Variants in NEDD4L observed in about 807,000 individuals in gnomAD.
The protein encoded by NEDD4L is NEDD4 like E3 ubiquitin protein ligase, also known as E3 ubiquitin-protein ligase NEDD4-like.
NEDD4L carries 54 observed loss-of-function variants against 148.9 expected under a neutral mutation model. The observed-to-expected ratio is 0.36, with a 90% CI of 0.29 to 0.45. The LOEUF (loss-of-function observed/expected upper bound fraction) is 0.45. NEDD4L is among the 20% of genes least tolerant of loss of function. The probability of loss-of-function intolerance (pLI) is 1.00; values close to 1 mark genes in which losing one functional copy is unlikely to be tolerated. For synonymous variants in NEDD4L, 433 were observed against 440.7 expected, an observed-to-expected ratio of 0.98 and a Z score of 0.22; for missense variants, 856 against 1,233.8, an observed-to-expected ratio of 0.69 and a Z score of 4.59.
At chr18:58,318,522 G>A (rs146338403) in intron 6 of NEDD4L, among the ~76,000 whole-genome samples, 65 of 152,342 alleles carry the variant, frequency 4.3e-4, no homozygotes, top group Middle Eastern at 6.8e-3. Flanking sequence ...GTACCACTGC[G>A]CTCCAGCCTT....
chr18:58,277,713 A>G (rs2052352125), intron 5 of NEDD4L, among the ~76,000 whole-genome samples: 1 of 152,244 alleles, frequency 6.6e-6, no homozygotes, highest in African/African-American at 2.4e-5. Flanking sequence ...CTGTGAAGAT[A>G]CTGTACATTT....
intron 25 of NEDD4L, among the ~76,000 whole-genome samples, chr18:58,385,251 C>T (rs935892532): frequency 6.6e-6 from 1 of 152,110 alleles, no homozygotes; most frequent in African/African-American, 2.4e-5. Flanking sequence ...CATTTTAAAG[C>T]AGTTAAGCAT....
intron 1 of NEDD4L, among the ~76,000 whole-genome samples, chr18:58,144,691 T>C (rs1395135993): frequency 1.3e-5 from 2 of 151,714 alleles, no homozygotes; most frequent in Non-Finnish European, 2.9e-5. Flanking sequence ...TAGATGAAGA[T>C]AAGGAACAAA....
intron 1 of NEDD4L, among the ~76,000 whole-genome samples, chr18:58,116,779 T>C (rs471948): frequency 0.44 from 66,557 of 152,198 alleles, 14,827 homozygotes; most frequent in East Asian, 0.54. Context: ...ATGCCCACCC[T>C]GGTGAGTGCC....
chr18:58,355,578 G>A (rs1476715816), intron 18 of NEDD4L, among the ~76,000 whole-genome samples: 5 of 152,122 alleles, frequency 3.3e-5, no homozygotes, highest in African/African-American at 7.2e-5. Flanking sequence ...GTTTTAAGGC[G>A]CAATTTTTAC....
chr18:58,306,510 A>C (rs988861934), intron 5 of NEDD4L, among the ~76,000 whole-genome samples: 18 of 152,126 alleles, frequency 1.2e-4, no homozygotes, highest in Non-Finnish European at 2.5e-4. Context: ...GAGCCTGTTC[A>C]TGTTTTCCTT....
intron 1 of NEDD4L, chr18:58,091,074 T>C (rs2084045178): frequency 6.6e-6 from 1 of 152,236 alleles, no homozygotes; most frequent in Non-Finnish European, 1.5e-5. Context: ...TAATTTGAGG[T>C]GAAATCTGCC....
At position 58,256,194 on chromosome 18, in the gene NEDD4L, A is replaced by C. The variant is rs774849287; in HGVS notation, c.297+4140A>C. ...TCCGGCCCCGTGGACTGCGCGGAGG[A>C]GGCTGCCCCGGGCCTGCGCATCCAG... On this transcript the variant is annotated intron_variant, in intron 5 of 30. Transcript: ENST00000400345. This position sits in a 1 kb window ranked among gnomAD's most constrained non-coding sequence, Gnocchi z 5.2. 501 of 1,218,034 alleles carry C rather than the reference A, an allele frequency of 4.1e-4. No individual in the cohort carries two copies. The highest frequency in any genetic ancestry group is 9.5e-4 in the Middle Eastern group (3 of 3,144). The allele number at this position is 1,218,034 out of a possible 1,614,324, so 75.5% of individuals were successfully genotyped here.
rs988070645 is a variant in NEDD4L, at chr18:58,079,991, G to A, written c.48+35283G>A. On this transcript the variant is annotated intron_variant, in intron 1 of 30. Transcript: ENST00000400345. ...TGCCCAGGCTGGGGGGCAGTGGCACGATCATGGCTCACTGTAGCCTTGAAC... is the reference window on the plus strand; with the variant it reads ...TGCCCAGGCTGGGGGGCAGTGGCACAATCATGGCTCACTGTAGCCTTGAAC... Among the ~76,000 whole-genome samples, 4 of 152,164 alleles carry A rather than the reference G, an allele frequency of 2.6e-5. No individual in the cohort carries two copies. The South Asian group carries it at 8.3e-4, about 32-fold the overall frequency.
intron 5 of NEDD4L, among the ~76,000 whole-genome samples, chr18:58,281,399 A>G (rs938425935): frequency 2.0e-5 from 3 of 152,092 alleles, no homozygotes; most frequent in East Asian, 3.9e-4. Flanking sequence ...GTGTAGTACA[A>G]GATGTAAAAA....
chr18:58,135,152 A>G (rs117887675), intron 1 of NEDD4L, among the ~76,000 whole-genome samples: 1 of 152,002 alleles, frequency 6.6e-6, no homozygotes, highest in East Asian at 1.9e-4. Context: ...ACTAGCCTCC[A>G]TGGCATCAGC....
At position 58,398,030 on chromosome 18, in the gene NEDD4L, C is replaced by G. The variant is rs35265055; in HGVS notation, c.*1761C>G. ...AAGGTTGTGGTTGTAAATGAGTTGT[C>G]TAAAGGGGTGCAGAGGCCTGAGGTT... On this transcript the variant is annotated 3_prime_UTR_variant, in exon 31 of 31. Transcript: ENST00000400345. The G allele has an allele frequency of 7.9e-5, 12 of 151,734 alleles. No individual in the cohort carries two copies. Among genetic ancestry groups the G allele is most frequent in the African/African-American group, 2.9e-4 (12 of 41,228 alleles). The allele number at this position is 151,734 out of a possible 1,614,324, so 9.4% of individuals were successfully genotyped here.
At chr18:58,174,439 G>A (rs1482509561) in intron 2 of NEDD4L, among the ~76,000 whole-genome samples, 1 of 152,152 alleles carries the variant, frequency 6.6e-6, no homozygotes, top group Non-Finnish European at 1.5e-5. Context: ...CGAAGGTGGG[G>A]TTTCACCGGG....
intron 1 of NEDD4L, among the ~76,000 whole-genome samples, chr18:58,063,195 G>A (rs12456846): frequency 0.81 from 121,763 of 150,692 alleles, 49,784 homozygotes; most frequent in East Asian, 1. Flanking sequence ...ACAGGCACTC[G>A]CCACCATGCC....
At chr18:58,364,394 C>G (rs2045868146) in intron 20 of NEDD4L, 61 bp downstream of exon 20, 2 of 1,020,446 alleles carry the variant, frequency 2.0e-6, no homozygotes, top group Non-Finnish European at 1.5e-6. Flanking sequence ...ACCACAGTCA[C>G]TTCAGTGAGA....
At chr18:58,331,034 C>A in intron 11 of NEDD4L, 120 bp downstream of exon 11, 1 of 977,508 alleles carries the variant, frequency 1.0e-6, no homozygotes, top group Non-Finnish European at 1.5e-6. Context: ...CTAACTCTGA[C>A]ATTTTCCAAA....
intron 25 of NEDD4L, 139 bp from the exon 26 acceptor site, chr18:58,385,387 T>C (rs548087278): frequency 3.6e-5 from 27 of 748,376 alleles, no homozygotes; most frequent in Non-Finnish European, 6.1e-5. Context: ...ATGAATAAAC[T>C]AAACAGTGGG....
chr18:58,253,873 A>C (rs2048198106), intron 5 of NEDD4L, among the ~76,000 whole-genome samples: 1 of 152,260 alleles, frequency 6.6e-6, no homozygotes, highest in African/African-American at 2.4e-5. Context: ...CAAAACTTTT[A>C]AGAAATCTTG....
At chr18:58,074,708 A>G (rs1247068370) in intron 1 of NEDD4L, among the ~76,000 whole-genome samples, 1 of 152,166 alleles carries the variant, frequency 6.6e-6, no homozygotes, top group Non-Finnish European at 1.5e-5. Context: ...ATTACAAAGT[A>G]AGGAATGATA....
Sources: gnomAD v4.1 joint callset for allele counts (sites outside exome capture counted in the v4.1 genomes callset) on GRCh38, gnomAD v4.1.1 for gene constraint, Gnocchi (gnomAD v3.1) non-coding constraint, MANE v1.5 for transcripts, NCBI Gene and HGNC (gene_info 2026-07-23, HGNC 2026-07-21) for gene names.